TMEM131: variants seen among roughly 807,000 people sequenced by gnomAD.
TMEM131 encodes the protein 2610524E03Rik.
A neutral mutation model predicts 211.6 loss-of-function variants in TMEM131; 66 were observed. That is an observed-to-expected ratio of 0.31 (90% CI 0.26 to 0.38). The LOEUF is 0.38. Ranked by LOEUF, TMEM131 falls within the 10% of genes least tolerant of loss-of-function variation. The pLI is 1.00. For synonymous variants in TMEM131, 844 were observed against 841.3 expected, an observed-to-expected ratio of 1.00 and a Z score of -0.06; for missense variants, 2,036 against 2,299.3, an observed-to-expected ratio of 0.89 and a Z score of 2.34.
intron 1 of TMEM131, among the ~76,000 whole-genome samples, chr2:97,991,533 G>A (rs560489886): frequency 6.6e-6 from 1 of 152,286 alleles, no homozygotes; most frequent in South Asian, 2.1e-4. Context: ...AGATAATTCT[G>A]CCCTGGACAC....
At chr2:97,791,007 C>T (rs1355559448) in intron 31 of TMEM131, among the ~76,000 whole-genome samples, 1 of 152,138 alleles carries the variant, frequency 6.6e-6, no homozygotes, top group Admixed American at 6.5e-5. Flanking sequence ...CCCTGTTTTC[C>T]GTATAAATTG....
chr2:97,987,634 T>C (rs1180198801), intron 1 of TMEM131, among the ~76,000 whole-genome samples: 6 of 152,208 alleles, frequency 3.9e-5, no homozygotes, highest in Admixed American at 3.3e-4. Context: ...TTGTTTCAAA[T>C]ATGGAGTGTT....
chr2:97,967,696 G>T (rs1360810484), intron 1 of TMEM131, among the ~76,000 whole-genome samples: 1 of 152,160 alleles, frequency 6.6e-6, no homozygotes, highest in Non-Finnish European at 1.5e-5. Flanking sequence ...CAAACCAAAA[G>T]TTTAACCTCT....
intron 1 of TMEM131, among the ~76,000 whole-genome samples, chr2:97,959,251 TAGA>T (rs1343868154): frequency 6.6e-6 from 1 of 151,288 alleles, no homozygotes; most frequent in Non-Finnish European, 1.5e-5. Flanking sequence ...AAGGGAGAAA[TAGA>T]AGGAGCTGAC....
At chr2:97,892,633 A>G (rs1036492478) in intron 3 of TMEM131, among the ~76,000 whole-genome samples, 2 of 152,158 alleles carry the variant, frequency 1.3e-5, no homozygotes, top group Non-Finnish European at 2.9e-5. Context: ...AAAGTGTTAG[A>G]ATTATAGGCG....
chr2:97,988,232 G>A (rs1327148012), intron 1 of TMEM131, among the ~76,000 whole-genome samples: 1 of 152,112 alleles, frequency 6.6e-6, no homozygotes, highest in African/African-American at 2.4e-5. Context: ...TCAACAAATG[G>A]AACTGGAGAA....
intron 31 of TMEM131, among the ~76,000 whole-genome samples, chr2:97,783,712 G>C (rs1680119240): frequency 6.6e-6 from 1 of 151,610 alleles, no homozygotes; most frequent in Non-Finnish European, 1.5e-5. Context: ...AGAAAATAGA[G>C]AAAACAAAAT....
At chr2:97,849,962 C>T (rs976108346) in intron 5 of TMEM131, among the ~76,000 whole-genome samples, 1 of 151,490 alleles carries the variant, frequency 6.6e-6, no homozygotes, top group Non-Finnish European at 1.5e-5. Flanking sequence ...GGCAGTCCAC[C>T]CACACTTTTT....
intron 1 of TMEM131, among the ~76,000 whole-genome samples, chr2:97,941,858 C>A (rs1008502498): frequency 5.3e-5 from 8 of 152,216 alleles, no homozygotes; most frequent in African/African-American, 1.9e-4. Context: ...GAAATAGGAA[C>A]ACTTCCACAC....
chr2:97,944,838 G>A (rs10432627), intron 1 of TMEM131, among the ~76,000 whole-genome samples: 2,711 of 152,196 alleles, frequency 0.018, 115 homozygotes, highest in East Asian at 0.15. Context: ...TGGAGACATC[G>A]AAAACGCCTA....
At chr2:97,946,272 A>G (rs1032300300) in intron 1 of TMEM131, among the ~76,000 whole-genome samples, 3 of 152,056 alleles carry the variant, frequency 2.0e-5, no homozygotes, top group African/African-American at 7.2e-5. Flanking sequence ...TAAAGAATAT[A>G]AATCAATAAA....
In TMEM131 at chr2:97,814,026, A is replaced by G. The variant is rs1029225185; in HGVS notation, c.1562T>C (p.Ile521Thr). The stretch of plus-strand genomic sequence containing the variant: ...TAAATGAAATTTAGAAGCATTGGTA[A>G]TAAGTAAAATGTTGTTATCAATGTG... ...SMHIDNNILL[I>T]TNASKFHLPV... The change falls in exon 15 of 41, where the codon ATT becomes ACT. Residue 521 changes from isoleucine (I) to threonine (T), a missense_variant. Physicochemically the swap from Ile to Thr is moderately conservative, Grantham distance 89. Coordinates refer to ENST00000186436, the MANE Select transcript of TMEM131 (RefSeq NM_015348.2). 4.4e-6 allele frequency: 7 copies of G among 1,600,954 alleles called. No homozygotes were observed. The highest frequency in any genetic ancestry group is 4.0e-5 in the African/African-American group (3 of 74,748).
Position 97,801,964 on chromosome 2 carries a change from A to G in TMEM131, c.2652-3T>C, listed in dbSNP as rs1681056721. On this transcript the variant is annotated splice_polypyrimidine_tract_variant and splice_region_variant and intron_variant, in intron 24 of 40. Transcript: ENST00000186436. ...TTGCCACCTTACTCAAGTTAAACCT[A>G]AAACAAAAAATGTACACATATTTAT... 2 of 1,600,318 alleles carry G rather than the reference A, an allele frequency of 1.2e-6. No individual in the cohort carries two copies. Among genetic ancestry groups the G allele is most frequent in the Non-Finnish European group, 1.7e-6 (2 of 1,170,818 alleles).
intron 1 of TMEM131, among the ~76,000 whole-genome samples, chr2:97,964,739 T>C (rs772141310): frequency 6.6e-5 from 10 of 152,244 alleles, no homozygotes; most frequent in Non-Finnish European, 1.5e-4. Flanking sequence ...GCAATCTGCA[T>C]GCACTATTCT....
At chr2:97,770,759 C>A (rs1679430702) in intron 33 of TMEM131, among the ~76,000 whole-genome samples, 1 of 152,192 alleles carries the variant, frequency 6.6e-6, no homozygotes, top group African/African-American at 2.4e-5. Context: ...TGGTGACAGT[C>A]ACCTATGGAA....
chr2:97,834,690 A>C lies in TMEM131; in HGVS notation c.956-13T>G, dbSNP rs773964933. ...TAAATTCCAGGAGCTTGGAAAAAAG[A>C]AAAGTCAACAATTATTTTTCACTTT... On this transcript the variant is annotated splice_polypyrimidine_tract_variant and intron_variant, in intron 9 of 40. Coordinates refer to ENST00000186436, the MANE Select transcript of TMEM131 (RefSeq NM_015348.2). 6.3e-7 allele frequency: 1 copy of C among 1,595,204 alleles called. No homozygotes were observed. The highest frequency in any genetic ancestry group is 2.2e-5 in the East Asian group (1 of 44,790).
intron 33 of TMEM131, among the ~76,000 whole-genome samples, chr2:97,769,541 G>A (rs1271162398): frequency 1.3e-5 from 2 of 152,178 alleles, no homozygotes; most frequent in South Asian, 2.1e-4. Context: ...TGGGGCTGGC[G>A]TGTGCAGTGT....
chr2:97,980,612 AC>A (rs1300769385), intron 1 of TMEM131, among the ~76,000 whole-genome samples: 1 of 152,226 alleles, frequency 6.6e-6, no homozygotes, highest in Non-Finnish European at 1.5e-5. Flanking sequence ...ACAAAGACTT[AC>A]ACATGAATGT....
chr2:97,899,965 AC>A (rs36111767), intron 3 of TMEM131, among the ~76,000 whole-genome samples: 3 of 152,072 alleles, frequency 2.0e-5, no homozygotes, highest in Non-Finnish European at 2.9e-5. Flanking sequence ...GAGGTGACAT[AC>A]CAATAAATCC....
Sources: gnomAD v4.1 joint callset for allele counts (sites outside exome capture counted in the v4.1 genomes callset) on GRCh38, gnomAD v4.1.1 for gene constraint, MANE v1.5 for transcripts, NCBI Gene and HGNC (gene_info 2026-07-23, HGNC 2026-07-21) for gene names.